Variants in ARHGAP42 observed in about 807,000 individuals in gnomAD.
ARHGAP42 encodes rho GTPase-activating protein 42.
Under a neutral mutation model 125.0 loss-of-function variants are expected in ARHGAP42, and 63 were observed. That is an observed-to-expected ratio of 0.50 (90% CI 0.41 to 0.62). The LOEUF (loss-of-function observed/expected upper bound fraction) is 0.62, where lower values mean the gene tolerates loss of function less well. Ranked by LOEUF, ARHGAP42 falls within the 20% of genes least tolerant of loss-of-function variation. ARHGAP42 has a pLI of 0.00. For synonymous variants in ARHGAP42, 339 were observed against 351.0 expected, an observed-to-expected ratio of 0.97 and a Z score of 0.38; for missense variants, 766 against 1,024.2, an observed-to-expected ratio of 0.75 and a Z score of 3.44.
chr11:100,984,837 C>G (rs1032890099), intron 22 of ARHGAP42, among the ~76,000 whole-genome samples: 6 of 152,064 alleles, frequency 3.9e-5, no homozygotes, highest in African/African-American at 1.2e-4. Flanking sequence ...TTCACATCCT[C>G]TTCAATACAC....
At chr11:100,744,966 C>T (rs899578636) in intron 1 of ARHGAP42, among the ~76,000 whole-genome samples, 1 of 152,084 alleles carries the variant, frequency 6.6e-6, no homozygotes, top group Non-Finnish European at 1.5e-5. Flanking sequence ...CTGTGTCGTT[C>T]CCCTATTGGC....
At chr11:100,815,875 A>G (rs1400039427) in intron 3 of ARHGAP42, among the ~76,000 whole-genome samples, 1 of 152,114 alleles carries the variant, frequency 6.6e-6, no homozygotes, top group Non-Finnish European at 1.5e-5. Context: ...TATTCTAGAT[A>G]CTATGTGCAA....
At chr11:100,962,270 T>C in intron 15 of ARHGAP42, 139 bp from the exon 16 acceptor site, 1 of 720,720 alleles carries the variant, frequency 1.4e-6, no homozygotes, top group Non-Finnish European at 2.2e-6. Flanking sequence ...ATCACCCAAT[T>C]CTTTTATTTA....
intron 2 of ARHGAP42, among the ~76,000 whole-genome samples, chr11:100,772,550 CCA>C (rs202088287): frequency 0.039 from 5,923 of 152,184 alleles, 157 homozygotes; most frequent in Middle Eastern, 0.082. Flanking sequence ...TAAAGTGCCT[CCA>C]GGAATAAGGG....
intron 6 of ARHGAP42, among the ~76,000 whole-genome samples, chr11:100,922,851 T>C (rs969118997): frequency 6.6e-6 from 1 of 152,154 alleles, no homozygotes; most frequent in Admixed American, 6.5e-5. Flanking sequence ...AACTAGGCAG[T>C]AGGCACATTT....
intron 1 of ARHGAP42, among the ~76,000 whole-genome samples, chr11:100,758,698 C>G (rs1412050496): frequency 6.6e-6 from 1 of 152,164 alleles, no homozygotes; most frequent in Non-Finnish European, 1.5e-5. Context: ...CAAGCTCTTA[C>G]TATGTGCTGT....
At chr11:100,955,764 T>A (rs948963093) in intron 12 of ARHGAP42, among the ~76,000 whole-genome samples, 21 of 151,826 alleles carry the variant, frequency 1.4e-4, no homozygotes, top group African/African-American at 4.6e-4. Context: ...AATAACCCTT[T>A]CCATCGACAT....
At chr11:100,746,778 T>C (rs1405490762) in intron 1 of ARHGAP42, among the ~76,000 whole-genome samples, 4 of 152,144 alleles carry the variant, frequency 2.6e-5, no homozygotes, top group African/African-American at 9.7e-5. Context: ...TAAAGTGGTG[T>C]TAGAGTTGCT....
intron 1 of ARHGAP42, among the ~76,000 whole-genome samples, chr11:100,712,521 C>T (rs1392005020): frequency 6.6e-6 from 1 of 152,136 alleles, no homozygotes; most frequent in Non-Finnish European, 1.5e-5. Context: ...TTTTCTTCCT[C>T]CCCCCTTCTC....
At chr11:100,935,949 T>A (rs963964134) in intron 7 of ARHGAP42, among the ~76,000 whole-genome samples, 2 of 152,032 alleles carry the variant, frequency 1.3e-5, no homozygotes, top group Non-Finnish European at 2.9e-5. Flanking sequence ...CTGGGAAACA[T>A]GTAAGACCCC....
chr11:100,987,691 A>G (rs1858716894), intron 23 of ARHGAP42, 99 bp downstream of exon 23: 2 of 1,089,590 alleles, frequency 1.8e-6, no homozygotes, highest in East Asian at 2.6e-5. Flanking sequence ...GAAGCCTCAG[A>G]TTTTATCCCA....
intron 3 of ARHGAP42, among the ~76,000 whole-genome samples, chr11:100,810,000 A>C (rs2135057610): frequency 6.6e-6 from 1 of 152,256 alleles, no homozygotes; most frequent in South Asian, 2.1e-4. Flanking sequence ...AAGAAACAAA[A>C]TTGTCATATT....
chr11:100,875,095 CTCTCTCTCTCTCTGTGTGTGTGTG>C (rs1364924800), intron 4 of ARHGAP42, among the ~76,000 whole-genome samples: 1 of 94,808 alleles, frequency 1.1e-5, no homozygotes, highest in African/African-American at 3.7e-5. Flanking sequence ...CTCTCTCTCT[CTCTCTCTCTCTCTGTGTGTGTGTG>C]TGTGTGTGTG....
At chr11:100,850,784 G>T (rs897184859) in intron 3 of ARHGAP42, among the ~76,000 whole-genome samples, 3 of 151,334 alleles carry the variant, frequency 2.0e-5, no homozygotes, top group African/African-American at 7.3e-5. Flanking sequence ...TCTGGTTTCT[G>T]AGTTTCCCTA....
intron 5 of ARHGAP42, among the ~76,000 whole-genome samples, chr11:100,914,352 A>G (rs1867007377): frequency 6.6e-6 from 1 of 152,160 alleles, no homozygotes; most frequent in South Asian, 2.1e-4. Context: ...TCTGAAATAT[A>G]TTTTATTCTT....
intron 3 of ARHGAP42, among the ~76,000 whole-genome samples, chr11:100,812,087 C>T (rs1678341075): frequency 6.6e-6 from 1 of 152,132 alleles, no homozygotes; most frequent in South Asian, 2.1e-4. Context: ...AGATATGAGC[C>T]ACCGTGCCTG....
chr11:100,800,112 G>C (rs1203869723), intron 3 of ARHGAP42, among the ~76,000 whole-genome samples: 1 of 152,172 alleles, frequency 6.6e-6, no homozygotes, highest in Non-Finnish European at 1.5e-5. Flanking sequence ...ATTTTTCTAG[G>C]AATACCCAAT....
intron 18 of ARHGAP42, among the ~76,000 whole-genome samples, chr11:100,973,695 A>T (rs1858314601): frequency 6.6e-6 from 1 of 152,222 alleles, no homozygotes; most frequent in Non-Finnish European, 1.5e-5. Flanking sequence ...AACAAAAGAA[A>T]AAAATATAGG....
Position 100,976,138 on chromosome 11 carries a change from G to A in ARHGAP42, c.1937G>A (p.Ser646Asn), listed in dbSNP as rs1858383415. The A allele has an allele frequency of 1.9e-6, 3 of 1,551,628 alleles. No homozygotes were observed. Among genetic ancestry groups the A allele is most frequent in the Non-Finnish European group, 2.6e-6 (3 of 1,146,852 alleles). Reference protein sequence around the residue: ...SLSSHSSEQNSTTKSASCQPR... With the variant: ...SLSSHSSEQNNTTKSASCQPR... ...TCTTCTCATTCCTCTGAACAAAATA[G>A]CACTACAAAGTCAGCTTCCTGCCAG... The change falls in exon 20 of 24, where the codon AGC becomes AAC. Residue 646 changes from serine (S) to asparagine (N), a missense_variant. Transcript: ENST00000298815.
Sources: allele counts gnomAD v4.1 joint callset (sites outside exome capture counted in the v4.1 genomes callset), GRCh38; gene constraint gnomAD v4.1.1; transcripts MANE v1.5; gene names NCBI Gene and HGNC (gene_info 2026-07-23, HGNC 2026-07-21).